CERKL: variants seen among roughly 807,000 people sequenced by gnomAD.
CERKL encodes the protein CERK like autophagy regulator.
CERKL carries 61 observed loss-of-function variants against 63.4 expected under a neutral mutation model. That is an observed-to-expected ratio of 0.96 (90% confidence interval 0.78 to 1.19). The LOEUF (loss-of-function observed/expected upper bound fraction) is 1.19, where lower values mean the gene tolerates loss of function less well. Ranked by LOEUF, CERKL falls within the 50% of genes most tolerant of loss-of-function variation. The pLI is 0.00. For synonymous variants in CERKL, 250 were observed against 230.5 expected, an observed-to-expected ratio of 1.08 and a Z score of -0.77; for missense variants, 675 against 655.5, an observed-to-expected ratio of 1.03 and a Z score of -0.33.
At chr2:181,544,191 G>T (rs980493695) in intron 11 of CERKL, among the ~76,000 whole-genome samples, 6 of 152,020 alleles carry the variant, frequency 3.9e-5, no homozygotes, top group Non-Finnish European at 7.4e-5. Context: ...AAGTGGAAAT[G>T]TATATCTTCA....
chr2:181,647,423 A>G (rs1293909041), intron 1 of CERKL, among the ~76,000 whole-genome samples: 3 of 152,210 alleles, frequency 2.0e-5, no homozygotes, highest in Admixed American at 6.5e-5. Context: ...CAGCCTGACA[A>G]CTAGCATGAC....
intron 1 of CERKL, among the ~76,000 whole-genome samples, chr2:181,631,003 A>C (rs955577236): frequency 2.0e-5 from 3 of 152,226 alleles, no homozygotes; most frequent in Non-Finnish European, 4.4e-5. Flanking sequence ...TTAGCTTATT[A>C]ATTAGAATGC....
intron 1 of CERKL, among the ~76,000 whole-genome samples, chr2:181,611,437 T>C (rs1164541563): frequency 6.6e-6 from 1 of 151,766 alleles, no homozygotes; most frequent in Non-Finnish European, 1.5e-5. Context: ...GGCAGGAGGA[T>C]AACTTGAGCC....
chr2:181,580,001 A>G (rs1684430886), intron 2 of CERKL, among the ~76,000 whole-genome samples: 1 of 151,928 alleles, frequency 6.6e-6, no homozygotes, highest in Admixed American at 6.5e-5. Context: ...AATAGTCAAT[A>G]AGACTGGTCT....
At chr2:181,593,306 TG>T (rs1685063859) in intron 2 of CERKL, among the ~76,000 whole-genome samples, 1 of 152,182 alleles carries the variant, frequency 6.6e-6, no homozygotes, top group Non-Finnish European at 1.5e-5. Flanking sequence ...CTATCTAGCG[TG>T]ATCATCCTTC....
chr2:181,603,623 T>C, intron 2 of CERKL: 1 of 593,848 alleles, frequency 1.7e-6, no homozygotes, highest in Non-Finnish European at 3.1e-6. Context: ...TAATATAAGA[T>C]ACCACATTAA....
Position 181,536,911 on chromosome 2 carries a change from A to AAAAACAATTCTGG in CERKL, c.*1260_*1272dup. 1 of 453,474 alleles carries AAAAACAATTCTGG rather than the reference A, an allele frequency of 2.2e-6. No individual in the cohort carries two copies. Among genetic ancestry groups the AAAAACAATTCTGG allele is most frequent in the Admixed American group, 2.4e-5 (1 of 42,478 alleles). 28.1% of individuals were successfully genotyped at this position (453,474 alleles called of 1,614,324 possible). The stretch of plus-strand genomic sequence containing the variant: ...GTGATCAAATTAGAAGGCAATGTGG[A>AAAAACAATTCTGG]AAAACAATTCTGGGAAAGATTTCTT... On this transcript the variant is annotated 3_prime_UTR_variant, in exon 13 of 13. Coordinates refer to ENST00000410087, the MANE Select transcript of CERKL (RefSeq NM_201548.5).
At chr2:181,563,305 A>G (rs1051256392) in intron 4 of CERKL, among the ~76,000 whole-genome samples, 62 of 152,086 alleles carry the variant, frequency 4.1e-4, no homozygotes, top group African/African-American at 1.4e-3. Context: ...ATGTCACAAG[A>G]TGTCTCATAG....
At chr2:181,579,025 C>T (rs897473660) in intron 2 of CERKL, among the ~76,000 whole-genome samples, 2 of 151,946 alleles carry the variant, frequency 1.3e-5, no homozygotes, top group Non-Finnish European at 2.9e-5. Flanking sequence ...CAAAAGTGGA[C>T]ACTTGAGAAA....
chr2:181,548,881 A>G (rs768347335), intron 6 of CERKL, 24 bp from the exon 7 acceptor site: 8 of 1,599,396 alleles, frequency 5.0e-6, no homozygotes, highest in Non-Finnish European at 6.9e-6. Flanking sequence ...TTAAATATTA[A>G]TCAGTGAGTA....
chr2:181,616,981 A>G (rs1574502507), intron 1 of CERKL, among the ~76,000 whole-genome samples: 1 of 152,348 alleles, frequency 6.6e-6, no homozygotes, highest in East Asian at 1.9e-4. Flanking sequence ...ATAATACTAA[A>G]GATGTCATTT....
rs760326517 is a variant in CERKL, at chr2:181,548,785, A to G, written c.968T>C (p.Met323Thr). 3 of 1,614,048 alleles carry G rather than the reference A, an allele frequency of 1.9e-6. No individual in the cohort carries two copies. The highest frequency in any genetic ancestry group is 1.7e-5 in the Admixed American group (1 of 59,986). The change falls in exon 7 of 13, where the codon ATG becomes ACG. Residue 323 changes from methionine to threonine, a missense_variant. Transcript: ENST00000410087. ...CAAAGTTCTTCCACCAAAGCCAAAC[A>G]TGGCTGAGAACCCAAAGCGAAGAAG... ...GKLLRFGFSA[M>T]FGFGGRTLAL...
intron 1 of CERKL, among the ~76,000 whole-genome samples, chr2:181,634,432 T>A (rs1687090417): frequency 2.6e-5 from 4 of 152,078 alleles, no homozygotes; most frequent in Admixed American, 2.6e-4. Flanking sequence ...GTTGCAACAG[T>A]ATGTGCAGAC....
chr2:181,560,543 T>C (rs1050079285), intron 4 of CERKL, among the ~76,000 whole-genome samples: 3 of 152,138 alleles, frequency 2.0e-5, no homozygotes, highest in African/African-American at 7.2e-5. Context: ...TATCAGACAT[T>C]TTCCTAAGCA....
chr2:181,568,621 T>G (rs1688762540), intron 3 of CERKL, among the ~76,000 whole-genome samples: 1 of 152,120 alleles, frequency 6.6e-6, no homozygotes, highest in Non-Finnish European at 1.5e-5. Context: ...ATCTAAAAAT[T>G]TTGGAGCAAT....
chr2:181,614,291 T>C (rs1686101068), intron 1 of CERKL, among the ~76,000 whole-genome samples: 1 of 152,216 alleles, frequency 6.6e-6, no homozygotes, highest in Non-Finnish European at 1.5e-5. Flanking sequence ...AAGGTCTTTC[T>C]TTCTTTTCAA....
intron 1 of CERKL, among the ~76,000 whole-genome samples, chr2:181,648,618 G>A (rs1046581043): frequency 4.6e-5 from 7 of 152,070 alleles, no homozygotes; most frequent in Non-Finnish European, 8.8e-5. Context: ...CACCAATAGA[G>A]GTAAATGTAT....
intron 4 of CERKL, among the ~76,000 whole-genome samples, chr2:181,562,916 AAAT>A (rs1472530110): frequency 1.3e-5 from 2 of 152,192 alleles, no homozygotes; most frequent in Non-Finnish European, 2.9e-5. Context: ...AATATAATCC[AAAT>A]AATGTCTACA....
At chr2:181,578,572 A>G (rs60999068) in intron 2 of CERKL, among the ~76,000 whole-genome samples, 56,691 of 151,362 alleles carry the variant, frequency 0.37, 11,177 homozygotes, top group African/African-American at 0.46. Flanking sequence ...TGCTAGGATT[A>G]CAGGTATGAA....
Sources: gnomAD v4.1 joint callset for allele counts (sites outside exome capture counted in the v4.1 genomes callset) on GRCh38, gnomAD v4.1.1 for gene constraint, MANE v1.5 for transcripts, NCBI Gene and HGNC (gene_info 2026-07-23, HGNC 2026-07-21) for gene names.